Variants in DPF3 observed in about 807,000 individuals in gnomAD.
DPF3 encodes zinc finger protein DPF3.
A neutral mutation model predicts 56.8 loss-of-function variants in DPF3; 18 were observed. That is an observed-to-expected ratio of 0.32 (90% CI 0.22 to 0.47). The LOEUF (loss-of-function observed/expected upper bound fraction) is 0.47, where lower values mean the gene tolerates loss of function less well. Ranked by LOEUF, DPF3 falls within the 20% of genes least tolerant of loss-of-function variation. The pLI, the probability that DPF3 is intolerant of heterozygous loss-of-function variation, is 1.00. For missense variants in DPF3, 403 were observed against 488.8 expected (o/e 0.82, Z 1.65); for synonymous variants, 188 against 180.2 (o/e 1.04, Z -0.35).
chr14:72,892,536 G>A, intron 1 of DPF3: 2 of 1,388,088 alleles, frequency 1.4e-6, no homozygotes, highest in Non-Finnish European at 1.9e-6. Context: ...CGACGAGCTG[G>A]CGCAAACACG....
intron 3 of DPF3, among the ~76,000 whole-genome samples, chr14:72,741,908 GCCACTGTCCTGC>G (rs1890136452): frequency 6.6e-6 from 1 of 152,222 alleles, no homozygotes; most frequent in South Asian, 2.1e-4. Flanking sequence ...CAGCAGCCGT[GCCACTGTCCTGC>G]CCACTGCCTG....
chr14:72,774,815 C>T (rs891539804), intron 1 of DPF3, among the ~76,000 whole-genome samples: 1 of 152,146 alleles, frequency 6.6e-6, no homozygotes, highest in Non-Finnish European at 1.5e-5. Flanking sequence ...CATTACAATG[C>T]TATAAAACTG....
rs772151998 is a variant in DPF3 at position 72,693,232 on chromosome 14, A to G, written c.605-19T>C. 1.2e-6 allele frequency: 2 copies of G among 1,613,016 alleles called. No individual in the cohort carries two copies. The highest frequency in any genetic ancestry group is 2.2e-5 in the East Asian group (1 of 44,882). ...CCACAGACTAGAGAGGAAAAGAGGAAAAAAGGGAGAGATACAAATATTAGC... is the reference window on the plus strand; with the variant it reads ...CCACAGACTAGAGAGGAAAAGAGGAGAAAAGGGAGAGATACAAATATTAGC... On this transcript the variant is annotated intron_variant, in intron 6 of 10. Coordinates refer to ENST00000556509, the MANE Select transcript of DPF3 (RefSeq NM_001280542.3).
intron 1 of DPF3, among the ~76,000 whole-genome samples, chr14:72,874,835 C>T (rs59283134): frequency 0.11 from 16,816 of 152,246 alleles, 1,701 homozygotes; most frequent in African/African-American, 0.27. Flanking sequence ...AAGTCACTTC[C>T]ACATTTTCGG....
chr14:72,640,602 T>C (rs1311996593), intron 8 of DPF3, among the ~76,000 whole-genome samples: 2 of 152,230 alleles, frequency 1.3e-5, no homozygotes, highest in African/African-American at 2.4e-5. Context: ...TAGGACGTGA[T>C]ACCTGCTTGA....
At chr14:72,826,220 ATC>A (rs1883793710) in intron 1 of DPF3, among the ~76,000 whole-genome samples, 1 of 152,266 alleles carries the variant, frequency 6.6e-6, no homozygotes, top group Non-Finnish European at 1.5e-5. Context: ...AATTTTCCTT[ATC>A]TCTCTAAGAC....
chr14:72,801,197 A>C (rs1306223862), intron 1 of DPF3, among the ~76,000 whole-genome samples: 1 of 152,210 alleles, frequency 6.6e-6, no homozygotes. Context: ...GAAACAGAAG[A>C]AGCTACAGAG....
intron 1 of DPF3, among the ~76,000 whole-genome samples, chr14:72,800,348 C>G (rs1299787792): frequency 2.6e-5 from 4 of 151,948 alleles, no homozygotes. Flanking sequence ...CATAAGTTTA[C>G]CATCCCTTAT....
At chr14:72,664,957 C>T (rs939846331) in intron 8 of DPF3, among the ~76,000 whole-genome samples, 5 of 152,098 alleles carry the variant, frequency 3.3e-5, no homozygotes, top group Non-Finnish European at 7.4e-5. Context: ...GGTACTTAGG[C>T]GGGTTTTCAA....
At chr14:72,756,863 A>AGGAAAGAAG (rs1461806204) in intron 2 of DPF3, among the ~76,000 whole-genome samples, 3 of 110,826 alleles carry the variant, frequency 2.7e-5, no homozygotes, top group South Asian at 2.9e-4. Flanking sequence ...AAAGAAAGAA[A>AGGAAAGAAG]GAAAGAAAGG....
rs1347131562 is a variant in DPF3, at chr14:72,610,446, G to A, written c.*8851C>T. 6.6e-6 allele frequency among the ~76,000 whole-genome samples: 1 copy of A among 152,194 alleles called. No individual in the cohort carries two copies. The highest frequency in any genetic ancestry group is 1.5e-5 in the Non-Finnish European group (1 of 68,024). On this transcript the variant is annotated 3_prime_UTR_variant, in exon 11 of 11. Coordinates refer to ENST00000556509, the MANE Select transcript of DPF3 (RefSeq NM_001280542.3). ...AAAGCCACTGGACCAGCCTGTCCCT[G>A]AGAAGAGACACAGAGGGGCTTCAGC...
Position 72,771,785 on chromosome 14 carries a change from C to A in DPF3, c.141G>T (p.Gly47=). The A allele has an allele frequency of 1.2e-6, 2 of 1,613,810 alleles. No individual in the cohort carries two copies. Among genetic ancestry groups the A allele is most frequent in the Admixed American group, 1.7e-5 (1 of 60,018 alleles). ...AGATGTAGCAGTTGTTCTGGGCCAC[C>A]CCAGTCTGTGAGTCCAGGAAGGGAA... The part of the protein sequence containing the change: ...VRLPFLDSQT[G]VAQNNCYIWM... Residue 47 remains glycine, a synonymous_variant, in exon 2 of 11, where the codon GGG becomes GGT. Coordinates refer to ENST00000556509, the MANE Select transcript of DPF3 (RefSeq NM_001280542.3).
chr14:72,731,736 C>T (rs112169668), intron 4 of DPF3, 71 bp downstream of exon 4: 13 of 1,590,852 alleles, frequency 8.2e-6, no homozygotes, highest in African/African-American at 5.4e-5. Flanking sequence ...GGAGCCAAGC[C>T]GGTGCTGGAG....
Position 72,615,999 on chromosome 14 carries a change from G to A in DPF3, c.*3298C>T, listed in dbSNP as rs1053863347. The stretch of plus-strand genomic sequence containing the variant: ...CCTGGCTGTTCCCAGCATTTGAGCC[G>A]GAAGACAACCACATCATTATCTCCA... On this transcript the variant is annotated 3_prime_UTR_variant, in exon 11 of 11. Transcript: ENST00000556509. Among the ~76,000 whole-genome samples the A allele has an allele frequency of 3.9e-5, 6 of 152,292 alleles. No individual in the cohort carries two copies. Among genetic ancestry groups the A allele is most frequent in the Admixed American group, 1.3e-4 (2 of 15,306 alleles).
At chr14:72,676,178 G>A (rs1229273169) in intron 7 of DPF3, among the ~76,000 whole-genome samples, 4 of 152,170 alleles carry the variant, frequency 2.6e-5, no homozygotes, top group Non-Finnish European at 4.4e-5. Flanking sequence ...TAGGGGCTGA[G>A]GGTAAACCAA....
chr14:72,698,836 C>A lies in DPF3; in HGVS notation c.605-5623G>T, dbSNP rs540870458. ...TAAGTGGATGAGCATCTGTATGCAT[C>A]TCTCCCACTGGCAGCAAGCATGGCA... On this transcript the variant is annotated intron_variant, in intron 6 of 10. Transcript: ENST00000556509. 3.3e-5 allele frequency among the ~76,000 whole-genome samples: 5 copies of A among 151,130 alleles called. No homozygotes were observed. In the South Asian group the frequency reaches 1.1e-3, roughly 32 times the overall value.
chr14:72,889,201 A>G (rs1886658141), intron 1 of DPF3, among the ~76,000 whole-genome samples: 1 of 152,180 alleles, frequency 6.6e-6, no homozygotes. Context: ...GGCAGTCTTC[A>G]ATGTCTCCCG....
intron 4 of DPF3, among the ~76,000 whole-genome samples, chr14:72,724,324 G>A (rs1203518459): frequency 2.0e-5 from 3 of 151,396 alleles, no homozygotes; most frequent in Admixed American, 1.3e-4. Context: ...TCTCTCTCCA[G>A]CAGCCCGCCA....
chr14:72,811,275 G>T (rs1883033326), intron 1 of DPF3, among the ~76,000 whole-genome samples: 1 of 152,222 alleles, frequency 6.6e-6, no homozygotes, highest in Non-Finnish European at 1.5e-5. Context: ...GAGCTTTGCA[G>T]GGGACAAACA....
Sources: allele counts gnomAD v4.1 joint callset (sites outside exome capture counted in the v4.1 genomes callset), GRCh38; gene constraint gnomAD v4.1.1; transcripts MANE v1.5; gene names NCBI Gene and HGNC (gene_info 2026-07-23, HGNC 2026-07-21).